Variants in PRR16 observed in about 807,000 individuals in gnomAD.
The protein encoded by PRR16 is proline rich 16.
In PRR16, 6 loss-of-function variants were observed where a neutral mutation model predicts 18.2. The ratio of observed to expected loss-of-function variants is 0.33; its 90% CI spans 0.18 to 0.65. The LOEUF (loss-of-function observed/expected upper bound fraction) is 0.65, where lower values mean the gene tolerates loss of function less well. Among genes scored for constraint, PRR16 ranks in the 30% least tolerant of loss-of-function variants. PRR16 has a pLI of 0.74. For missense variants in PRR16, 412 were observed against 376.6 expected, an observed-to-expected ratio of 1.09 and a Z score of -0.78; for synonymous variants, 151 against 147.8, an observed-to-expected ratio of 1.02 and a Z score of -0.16.
At chr5:120,695,373 A>G in the PRR16 span, among the ~76,000 whole-genome samples, 3 of 152,080 alleles carry the variant, frequency 2.0e-5, no homozygotes, top group African/African-American at 7.2e-5. Context: ...TGATTACCTA[A>G]ACTCCAAATT....
In PRR16 at chr5:120,650,717, C is replaced by T. The variant is rs1023085195; in HGVS notation, c.160-35237C>T. Among the ~76,000 whole-genome samples, 39 of 152,154 alleles carry T rather than the reference C, an allele frequency of 2.6e-4. 1 individual carries two copies. The highest frequency in any genetic ancestry group is 3.4e-3 in the Middle Eastern group (1 of 294). On this transcript the variant is annotated intron_variant, in intron 1 of 1. Coordinates refer to ENST00000407149, the MANE Select transcript of PRR16 (RefSeq NM_001300783.2). ...GTATATGTGCCACGTTTTCTTAATCCAGTCTATCATTGTTGGACATTTGGG... is the reference window on the plus strand; with the variant it reads ...GTATATGTGCCACGTTTTCTTAATCTAGTCTATCATTGTTGGACATTTGGG...
chr5:120,655,389 A>T (rs866495351), intron 1 of PRR16, among the ~76,000 whole-genome samples: 1,055 of 17,974 alleles, frequency 0.059, 5 homozygotes, highest in South Asian at 0.25. Context: ...TTTTTTTTTT[A>T]AAAAAAAAGA....
chr5:120,713,003 A>AT, the PRR16 span, among the ~76,000 whole-genome samples: 1 of 152,170 alleles, frequency 6.6e-6, no homozygotes, highest in Non-Finnish European at 1.5e-5. Context: ...ACTTGAAGAG[A>AT]TATCTGCACT....
chr5:120,684,213 A>G (rs1757053183), intron 1 of PRR16, among the ~76,000 whole-genome samples: 1 of 152,186 alleles, frequency 6.6e-6, no homozygotes, highest in Non-Finnish European at 1.5e-5. Flanking sequence ...ACTAGAAGAA[A>G]TTTGTTGAAT....
At chr5:120,587,750 C>T (rs181581519) in intron 1 of PRR16, among the ~76,000 whole-genome samples, 20 of 152,284 alleles carry the variant, frequency 1.3e-4, no homozygotes, top group African/African-American at 4.8e-4. Flanking sequence ...GTTTTCATGC[C>T]TGTTATCACA....
the PRR16 span, among the ~76,000 whole-genome samples, chr5:120,713,344 TCTTAA>T: frequency 1.3e-5 from 2 of 152,142 alleles, no homozygotes; most frequent in African/African-American, 4.8e-5. Flanking sequence ...TATTCAAGGC[TCTTAA>T]CTTTCCTTTC....
chr5:120,667,645 G>T lies in PRR16; in HGVS notation c.160-18309G>T, dbSNP rs555143756. On this transcript the variant is annotated intron_variant, in intron 1 of 1. Transcript: ENST00000407149. ...CTTTGAATGCGTCCCAGAGATTCTG[G>T]TATGTTGTGTCTTTGTTCTCGTTGG... Among the ~76,000 whole-genome samples the T allele has an allele frequency of 5.1e-3, 767 of 151,286 alleles. 1 individual carries two copies. Among genetic ancestry groups the T allele is most frequent in the African/African-American group, 0.018 (734 of 41,302 alleles).
At chr5:120,699,528 T>C in the PRR16 span, among the ~76,000 whole-genome samples, 2 of 152,022 alleles carry the variant, frequency 1.3e-5, no homozygotes, top group African/African-American at 4.8e-5. Context: ...AAAGTGAGTA[T>C]AGCTGAAGGA....
chr5:120,482,261 T>A (rs1749643449), intron 1 of PRR16, among the ~76,000 whole-genome samples: 1 of 152,128 alleles, frequency 6.6e-6, no homozygotes, highest in African/African-American at 2.4e-5. Context: ...ACCCAATAGT[T>A]TTTCAACACT....
At chr5:120,699,210 A>G in the PRR16 span, among the ~76,000 whole-genome samples, 3 of 152,042 alleles carry the variant, frequency 2.0e-5, no homozygotes, top group Non-Finnish European at 4.4e-5. Flanking sequence ...CTGAGAAGTT[A>G]TTTCCTTGAG....
Position 120,491,412 on chromosome 5 carries a change from A to G in PRR16, c.159+26767A>G, listed in dbSNP as rs563749679. On this transcript the variant is annotated intron_variant, in intron 1 of 1. Transcript: ENST00000407149. Reference sequence around the variant, plus strand: ...TAACTTAGGTACAAGATCTAAAGGCATATACCCTTTCCTTTCCTTTCCTTT... The same window carrying G: ...TAACTTAGGTACAAGATCTAAAGGCGTATACCCTTTCCTTTCCTTTCCTTT... Among the ~76,000 whole-genome samples the G allele has an allele frequency of 7.4e-5, 11 of 147,796 alleles. No homozygotes were observed. The East Asian group carries it at 1.2e-3, about 16-fold the overall frequency.
chr5:120,791,828 G>A, the PRR16 span, among the ~76,000 whole-genome samples: 2 of 152,096 alleles, frequency 1.3e-5, no homozygotes, highest in Admixed American at 6.6e-5. Context: ...CTCCCAACAT[G>A]TTGTTCTGTA....
intron 1 of PRR16, among the ~76,000 whole-genome samples, chr5:120,610,919 G>A (rs1231224456): frequency 6.6e-6 from 1 of 152,176 alleles, no homozygotes; most frequent in Non-Finnish European, 1.5e-5. Context: ...AGGAAAATGT[G>A]GGAAAGTTTG....
At chr5:120,770,848 CT>C in the PRR16 span, among the ~76,000 whole-genome samples, 1 of 151,394 alleles carries the variant, frequency 6.6e-6, no homozygotes, top group Non-Finnish European at 1.5e-5. Flanking sequence ...ATATCATCAT[CT>C]TTTTGCAAGG....
the PRR16 span, among the ~76,000 whole-genome samples, chr5:120,693,104 A>G: frequency 2.0e-5 from 3 of 152,196 alleles, no homozygotes; most frequent in Non-Finnish European, 4.4e-5. Flanking sequence ...GACTGTGATG[A>G]TGTAAATTAT....
At chr5:120,538,302 A>AT (rs1219017269) in intron 1 of PRR16, among the ~76,000 whole-genome samples, 9 of 152,262 alleles carry the variant, frequency 5.9e-5, no homozygotes, top group African/African-American at 2.2e-4. Context: ...GCATTCTGAG[A>AT]TTTTTAAGGG....
the PRR16 span, among the ~76,000 whole-genome samples, chr5:120,753,767 T>C: frequency 6.8e-6 from 1 of 146,014 alleles, no homozygotes; most frequent in Non-Finnish European, 1.5e-5. Context: ...AATAAAAAAG[T>C]TCTTCAGTTA....
the PRR16 span, among the ~76,000 whole-genome samples, chr5:120,756,016 C>A: frequency 6.6e-6 from 1 of 152,044 alleles, no homozygotes; most frequent in Non-Finnish European, 1.5e-5. Context: ...GAAGGAATGA[C>A]CTGCAACTAG....
intron 1 of PRR16, among the ~76,000 whole-genome samples, chr5:120,592,294 C>A (rs1411175599): frequency 6.6e-6 from 1 of 152,104 alleles, no homozygotes; most frequent in African/African-American, 2.4e-5. Flanking sequence ...ACTTGTAAAT[C>A]TGAAGAATAA....
Sources: gnomAD v4.1 joint callset for allele counts (sites outside exome capture counted in the v4.1 genomes callset) on GRCh38, gnomAD v4.1.1 for gene constraint, MANE v1.5 for transcripts, NCBI Gene and HGNC (gene_info 2026-07-23, HGNC 2026-07-21) for gene names.